The following PTPRD variants were observed in gnomAD, a reference collection of about 807,000 sequenced individuals.
PTPRD encodes receptor-type tyrosine-protein phosphatase delta.
PTPRD carries 34 observed loss-of-function variants against 214.5 expected under a neutral mutation model. That is an observed-to-expected ratio of 0.16 (90% confidence interval 0.12 to 0.21). PTPRD has a LOEUF of 0.21. Ranked by LOEUF, PTPRD falls within the 10% of genes least tolerant of loss-of-function variation. The pLI, the probability that PTPRD is intolerant of heterozygous loss-of-function variation, is 1.00. For synonymous variants in PTPRD, 1,128 were observed against 845.7 expected (o/e 1.33, Z -5.79); for missense variants, 2,545 against 2,398.7 (o/e 1.06, Z -1.27).
At chr9:9,381,371 A>T (rs78894368) in intron 9 of PTPRD, among the ~76,000 whole-genome samples, 4,203 of 73,334 alleles carry the variant, frequency 0.057, 136 homozygotes, top group Middle Eastern at 0.12. Flanking sequence ...TTTTTTTTTT[A>T]TTTTTTTTTT....
intron 39 of PTPRD, among the ~76,000 whole-genome samples, chr9:8,368,044 C>G (rs1021365905): frequency 2.6e-5 from 4 of 152,146 alleles, no homozygotes; most frequent in African/African-American, 7.2e-5. Flanking sequence ...AGAGTTTTCA[C>G]TACCATACAA....
chr9:9,779,079 A>C (rs112566238), intron 5 of PTPRD, among the ~76,000 whole-genome samples: 1,145 of 41,426 alleles, frequency 0.028, 7 homozygotes, highest in African/African-American at 0.087. Context: ...TAAGACTGAC[A>C]AAAAAAAAAA....
chr9:10,564,171 CTTTTTTT>C (rs71332760), intron 2 of PTPRD, among the ~76,000 whole-genome samples: 7 of 29,408 alleles, frequency 2.4e-4, no homozygotes, highest in African/African-American at 6.4e-4. Flanking sequence ...CTAGGCTATT[CTTTTTTT>C]TTTTTTTTTT....
chr9:9,225,203 T>C (rs957267017), intron 9 of PTPRD, among the ~76,000 whole-genome samples: 2 of 151,994 alleles, frequency 1.3e-5, no homozygotes, highest in African/African-American at 4.8e-5. Context: ...TCCAGAATCA[T>C]TGCAAATGGT....
intron 2 of PTPRD, among the ~76,000 whole-genome samples, chr9:10,449,770 T>C (rs1415814055): frequency 2.0e-5 from 3 of 151,678 alleles, no homozygotes; most frequent in African/African-American, 7.3e-5. Flanking sequence ...GAACGGGCCA[T>C]GATGACGATG....
chr9:8,753,182 G>A (rs2093685741), intron 11 of PTPRD, among the ~76,000 whole-genome samples: 1 of 152,010 alleles, frequency 6.6e-6, no homozygotes, highest in Non-Finnish European at 1.5e-5. Flanking sequence ...CCCTTTTTCC[G>A]ATTATAAATA....
chr9:10,286,395 T>C (rs1213287324), intron 3 of PTPRD, among the ~76,000 whole-genome samples: 2 of 152,130 alleles, frequency 1.3e-5, no homozygotes, highest in East Asian at 1.9e-4. Context: ...TGAGCCATAA[T>C]TGTGTCATGG....
intron 9 of PTPRD, among the ~76,000 whole-genome samples, chr9:9,184,557 C>A (rs1183202636): frequency 6.6e-6 from 1 of 152,052 alleles, no homozygotes; most frequent in African/African-American, 2.4e-5. Flanking sequence ...TCACCTCACC[C>A]TGACTAGGAC....
At chr9:10,368,989 G>A (rs1036695420) in intron 2 of PTPRD, among the ~76,000 whole-genome samples, 3 of 151,960 alleles carry the variant, frequency 2.0e-5, no homozygotes, top group East Asian at 3.9e-4. Context: ...TATCTGTTCT[G>A]GGGAATATGT....
intron 10 of PTPRD, among the ~76,000 whole-genome samples, chr9:9,093,918 A>T (rs2154433705): frequency 6.6e-6 from 1 of 152,074 alleles, no homozygotes; most frequent in South Asian, 2.1e-4. Flanking sequence ...ATAAACTTCT[A>T]GCCAGAGTGA....
In PTPRD at chr9:9,403,509, C is replaced by T. The variant is rs888265541; in HGVS notation, c.-236-6027G>A. 2.6e-5 allele frequency among the ~76,000 whole-genome samples: 4 copies of T among 151,702 alleles called. No individual in the cohort carries two copies. In the South Asian group the frequency reaches 6.2e-4, roughly 24 times the overall value. ...AGCACTGCATAATCACTCTCCACACCTCCATGCACTTCTATAAAAAATGAC... is the reference window on the plus strand; with the variant it reads ...AGCACTGCATAATCACTCTCCACACTTCCATGCACTTCTATAAAAAATGAC... On this transcript the variant is annotated intron_variant, in intron 8 of 45. Coordinates refer to ENST00000381196, the MANE Select transcript of PTPRD (RefSeq NM_002839.4).
chr9:8,668,552 T>A (rs1396173335), intron 12 of PTPRD, among the ~76,000 whole-genome samples: 1 of 152,188 alleles, frequency 6.6e-6, no homozygotes, highest in Non-Finnish European at 1.5e-5. Flanking sequence ...TTAACTGTAA[T>A]ACTAAGAGAC....
At chr9:8,686,368 T>C (rs10481622) in intron 12 of PTPRD, among the ~76,000 whole-genome samples, 2,091 of 152,304 alleles carry the variant, frequency 0.014, 58 homozygotes, top group African/African-American at 0.048. Flanking sequence ...AACCCACATG[T>C]TGCATTTGTG....
chr9:10,348,034 G>A (rs543280984), intron 2 of PTPRD, among the ~76,000 whole-genome samples: 94 of 152,118 alleles, frequency 6.2e-4, no homozygotes, highest in African/African-American at 2.0e-3. Context: ...CTCCAGCCTG[G>A]GAAGCAGAGC....
intron 8 of PTPRD, among the ~76,000 whole-genome samples, chr9:9,402,474 A>C (rs1342198377): frequency 6.6e-6 from 1 of 152,106 alleles, no homozygotes; most frequent in Non-Finnish European, 1.5e-5. Flanking sequence ...CATACATTTA[A>C]TCACCAAATT....
At chr9:10,114,093 T>C (rs1343499752) in intron 3 of PTPRD, among the ~76,000 whole-genome samples, 1 of 152,170 alleles carries the variant, frequency 6.6e-6, no homozygotes, top group Non-Finnish European at 1.5e-5. Flanking sequence ...CCACTTTCCA[T>C]TGACAAACAT....
rs142340221 is a variant in PTPRD, at chr9:8,344,491, C to T, written c.4662-2513G>A. Reference sequence around the variant, plus strand: ...AAAAATAAGGGAAAAAAATCAAATACGTGTGAGTCCAAATCATGAATTGTG... The same window carrying T: ...AAAAATAAGGGAAAAAAATCAAATATGTGTGAGTCCAAATCATGAATTGTG... On this transcript the variant is annotated intron_variant, in intron 39 of 45. Coordinates refer to ENST00000381196, the MANE Select transcript of PTPRD (RefSeq NM_002839.4). 2.9e-4 allele frequency among the ~76,000 whole-genome samples: 44 copies of T among 151,480 alleles called. No homozygotes were observed. In the East Asian group the frequency reaches 6.2e-3, roughly 21 times the overall value.
At chr9:9,457,334 A>G (rs1049521878) in intron 8 of PTPRD, among the ~76,000 whole-genome samples, 39 of 152,042 alleles carry the variant, frequency 2.6e-4, no homozygotes, top group Non-Finnish European at 4.9e-4. Flanking sequence ...CAGTTCTAAG[A>G]TCCAAAACCA....
At chr9:10,217,985 G>T (rs958002722) in intron 3 of PTPRD, among the ~76,000 whole-genome samples, 2 of 151,820 alleles carry the variant, frequency 1.3e-5, no homozygotes, top group Admixed American at 6.6e-5. Flanking sequence ...AAAACCTGTG[G>T]TAATCTTTTT....
Sources: gnomAD v4.1 joint callset for allele counts (sites outside exome capture counted in the v4.1 genomes callset) on GRCh38, gnomAD v4.1.1 for gene constraint, MANE v1.5 for transcripts, NCBI Gene and HGNC (gene_info 2026-07-23, HGNC 2026-07-21) for gene names.